The following TSBP1 variants were observed in gnomAD, a reference collection of about 807,000 sequenced individuals.
TSBP1 encodes testis-expressed basic protein 1.
Under a neutral mutation model 68.8 loss-of-function variants are expected in TSBP1, and 56 were observed. The observed-to-expected ratio is 0.81, with a 90% CI of 0.66 to 1.02. The LOEUF is 1.02. TSBP1 is among the 50% of genes least tolerant of loss of function. The pLI is 0.00. For synonymous variants in TSBP1, 171 were observed against 208.7 expected, an observed-to-expected ratio of 0.82 and a Z score of 1.56; for missense variants, 502 against 641.2, an observed-to-expected ratio of 0.78 and a Z score of 2.34.
chr6:32,310,761 A>ATATATATATATATATATTTTT lies in TSBP1; in HGVS notation c.580+5010_580+5011insAAAAATATATATATATATATA. On this transcript the variant is annotated intron_variant, in intron 19 of 22. Transcript: ENST00000612031. ...TATATATACATATATATATATATAT[A>ATATATATATATATATATTTTT]TTTTTAATCTTTTTAGAAAGGATAG... is the stretch of plus-strand genomic sequence containing the variant. Among the ~76,000 whole-genome samples the ATATATATATATATATATTTTT allele has an allele frequency of 8.3e-5, 12 of 144,834 alleles. No homozygotes were observed. In the East Asian group the frequency reaches 1.8e-3, roughly 22 times the overall value.
intron 8 of TSBP1, among the ~76,000 whole-genome samples, chr6:32,351,838 A>G (rs1399314777): frequency 6.6e-6 from 1 of 152,106 alleles, no homozygotes; most frequent in Non-Finnish European, 1.5e-5. Flanking sequence ...TCACACCTAT[A>G]AACATTATAA....
chr6:32,366,843 C>T (rs1773804471), intron 4 of TSBP1, among the ~76,000 whole-genome samples: 1 of 150,950 alleles, frequency 6.6e-6, no homozygotes, highest in African/African-American at 2.4e-5. Flanking sequence ...CCAGATATTC[C>T]CATTTTCTTT....
chr6:32,312,569 T>C (rs1399805740), intron 19 of TSBP1, among the ~76,000 whole-genome samples: 1 of 152,176 alleles, frequency 6.6e-6, no homozygotes, highest in Non-Finnish European at 1.5e-5. Flanking sequence ...GATTATTTAA[T>C]TAATTAGTCC....
intron 9 of TSBP1, among the ~76,000 whole-genome samples, chr6:32,346,474 T>G (rs1771007415): frequency 6.6e-6 from 1 of 152,268 alleles, no homozygotes; most frequent in South Asian, 2.1e-4. Context: ...ATCAGCAAAT[T>G]TTCCTGTATC....
At chr6:32,370,843 G>GAA (rs9281766) in intron 1 of TSBP1, among the ~76,000 whole-genome samples, 3 of 149,882 alleles carry the variant, frequency 2.0e-5, no homozygotes, top group South Asian at 2.1e-4. Context: ...GATCGGGGGA[G>GAA]AAAAAAAAGA....
chr6:32,368,711 A>T (rs986556869), intron 3 of TSBP1, 71 bp downstream of exon 3: 7 of 1,464,808 alleles, frequency 4.8e-6, no homozygotes, highest in Admixed American at 1.9e-5. Context: ...TAAACAAGAC[A>T]GATTTCTTTC....
intron 22 of TSBP1, among the ~76,000 whole-genome samples, chr6:32,295,688 A>AC (rs1764631749): frequency 6.6e-6 from 1 of 152,198 alleles, no homozygotes; most frequent in Non-Finnish European, 1.5e-5. Flanking sequence ...CACTTGGTAC[A>AC]GTGCATGGGA....
chr6:32,349,783 A>G (rs777376441), exon 9 of TSBP1: 1 of 1,610,732 alleles, frequency 6.2e-7, no homozygotes, highest in African/African-American at 1.3e-5. Flanking sequence ...ACATCAAAAG[A>G]AGAATGAGTT....
Position 32,335,493 on chromosome 6 carries a change from T to C in TSBP1, c.452-36A>G. ...AAGAGAAAAGAAATCAGTAGCTATA[T>C]ATATATTTTATATATACTTTTTATT... On this transcript the variant is annotated intron_variant, in intron 13 of 22. Transcript: ENST00000612031. This position sits in a 1 kb window ranked among gnomAD's most constrained non-coding sequence, Gnocchi z 5.5. 1.6e-6 allele frequency: 2 copies of C among 1,224,916 alleles called. No homozygotes were observed. The highest frequency in any genetic ancestry group is 2.1e-6 in the Non-Finnish European group (2 of 936,918). The allele number at this position is 1,224,916 out of a possible 1,614,324, so 75.9% of individuals were successfully genotyped here.
intron 3 of TSBP1, 53 bp from the exon 4 acceptor site, chr6:32,368,010 T>C: frequency 1.4e-6 from 2 of 1,412,694 alleles, no homozygotes; most frequent in Non-Finnish European, 2.0e-6. Flanking sequence ...TAAATGAGGC[T>C]TTATTTAAGA....
chr6:32,361,890 T>G lies in TSBP1; in HGVS notation c.217+4277A>C, dbSNP rs1035461807. ...TCCTCAATGTGACAGCATTGAGAAGTGAGGCCTTAAAGAGGTGATTATATC... is the reference window on the plus strand; with the variant it reads ...TCCTCAATGTGACAGCATTGAGAAGGGAGGCCTTAAAGAGGTGATTATATC... On this transcript the variant is annotated intron_variant, in intron 6 of 22. Coordinates refer to ENST00000612031, the Ensembl canonical transcript of TSBP1. The surrounding 1 kb of genome is among the most constrained non-coding windows in gnomAD (Gnocchi z 4.3). Among the ~76,000 whole-genome samples the G allele has an allele frequency of 6.6e-6, 1 of 152,234 alleles. No individual in the cohort carries two copies. Among genetic ancestry groups the G allele is most frequent in the Non-Finnish European group, 1.5e-5 (1 of 68,016 alleles).
intron 17 of TSBP1, 89 bp downstream of exon 18, chr6:32,323,502 A>T: frequency 8.0e-7 from 1 of 1,256,980 alleles, no homozygotes; most frequent in African/African-American, 1.5e-5. Flanking sequence ...ACAGAGTTAG[A>T]AATGAGCAGG....
At chr6:32,293,956 A>G in exon 23 of TSBP1, 2 of 1,612,648 alleles carry the variant, frequency 1.2e-6, no homozygotes, top group Non-Finnish European at 1.7e-6. Context: ...GAGACCTTGC[A>G]GTGCCTCCAC....
chr6:32,303,451 T>C (rs1269395742), intron 19 of TSBP1, among the ~76,000 whole-genome samples: 1 of 141,582 alleles, frequency 7.1e-6, no homozygotes, highest in Non-Finnish European at 1.6e-5. Context: ...TTTCTTTGCA[T>C]TTAGGTCCAC....
At chr6:32,346,544 A>G (rs866139459) in intron 9 of TSBP1, among the ~76,000 whole-genome samples, 4 of 52,882 alleles carry the variant, frequency 7.6e-5, no homozygotes, top group Non-Finnish European at 1.4e-4. Flanking sequence ...CTTTTAAAAT[A>G]CTGTATCTCA....
At position 32,340,226 on chromosome 6, in the gene TSBP1, T is replaced by A. The variant is rs964707690; in HGVS notation, c.350-588A>T. Among the ~76,000 whole-genome samples the A allele has an allele frequency of 6.6e-6, 1 of 152,232 alleles. No homozygotes were observed. Among genetic ancestry groups the A allele is most frequent in the African/African-American group, 2.4e-5 (1 of 41,456 alleles). ...CATTTTAATCTCTGTTGCTTCTGTC[T>A]TGAGAAATAACCAATCATATTTTAA... On this transcript the variant is annotated intron_variant, in intron 9 of 22. Coordinates refer to ENST00000612031, the Ensembl canonical transcript of TSBP1. This position sits in a 1 kb window ranked among gnomAD's most constrained non-coding sequence, Gnocchi z 4.8.
Position 32,293,792 on chromosome 6 carries a change from A to T in TSBP1, c.881T>A (p.Val294Glu), listed in dbSNP as rs779555362. The change falls in exon 23 of 23, where the codon GTA becomes GAA. Residue 294 changes from valine (V) to glutamate (E), a missense_variant. Coordinates refer to ENST00000612031, the Ensembl canonical transcript of TSBP1. ...TTTTGGTATTCCAGCGTCACTGTCT[A>T]CCTTGACCTCCATTCCTATTTTGTC... is the stretch of plus-strand genomic sequence containing the variant. 7.4e-6 allele frequency: 12 copies of T among 1,612,860 alleles called. No homozygotes were observed. The Admixed American group carries it at 2.0e-4, about 27-fold the overall frequency.
chr6:32,362,051 G>A (rs1383383144), intron 6 of TSBP1, among the ~76,000 whole-genome samples: 1 of 152,084 alleles, frequency 6.6e-6, no homozygotes, highest in African/African-American at 2.4e-5. Flanking sequence ...AGCACTTTGG[G>A]AGGCCGAGGT....
At chr6:32,320,308 G>T (rs1248999659) in intron 18 of TSBP1, 3 of 440,536 alleles carry the variant, frequency 6.8e-6, no homozygotes, top group Non-Finnish European at 9.1e-6. Flanking sequence ...ACCCTGGACA[G>T]ATCCAACTCT....
Sources: gnomAD v4.1 joint callset for allele counts (sites outside exome capture counted in the v4.1 genomes callset) on GRCh38, gnomAD v4.1.1 for gene constraint, Gnocchi (gnomAD v3.1) non-coding constraint, MANE v1.5 for transcripts, NCBI Gene and HGNC (gene_info 2026-07-23, HGNC 2026-07-21) for gene names.